The following FRMPD1 variants were observed in gnomAD, a reference collection of about 807,000 sequenced individuals.
FRMPD1 encodes FERM and PDZ domain-containing protein 1.
A neutral mutation model predicts 117.8 loss-of-function variants in FRMPD1; 76 were observed. The ratio of observed to expected loss-of-function variants is 0.65; its 90% CI spans 0.54 to 0.78. FRMPD1 has a LOEUF of 0.78. Ranked by LOEUF, FRMPD1 falls within the 30% of genes least tolerant of loss-of-function variation. The pLI, the probability that FRMPD1 is intolerant of heterozygous loss-of-function variation, is 0.00. For synonymous variants in FRMPD1, 783 were observed against 770.4 expected (o/e 1.02, Z -0.27); for missense variants, 1,786 against 1,964.5 (o/e 0.91, Z 1.72).
chr9:37,685,502 T>G (rs111688231), intron 1 of FRMPD1, among the ~76,000 whole-genome samples: 1 of 150,344 alleles, frequency 6.7e-6, no homozygotes. Context: ...AAAAAAAAAA[T>G]TTAGCCGGGC....
At chr9:37,723,648 A>G (rs949160247) in intron 6 of FRMPD1, among the ~76,000 whole-genome samples, 1 of 152,192 alleles carries the variant, frequency 6.6e-6, no homozygotes, top group Non-Finnish European at 1.5e-5. Flanking sequence ...ACTTGAGGCC[A>G]GGGGTTCGAG....
the FRMPD1 span, among the ~76,000 whole-genome samples, chr9:37,611,241 C>A: frequency 6.6e-6 from 1 of 152,076 alleles, no homozygotes; most frequent in Non-Finnish European, 1.5e-5. Flanking sequence ...TCATCAGCAA[C>A]GTATGTGAGA....
chr9:37,640,189 A>G, the FRMPD1 span, among the ~76,000 whole-genome samples: 1 of 152,230 alleles, frequency 6.6e-6, no homozygotes, highest in Non-Finnish European at 1.5e-5. Flanking sequence ...TGTCTGCATA[A>G]GGGCTCCAAA....
chr9:37,715,683 G>A (rs1022542525), intron 5 of FRMPD1: 7 of 456,146 alleles, frequency 1.5e-5, no homozygotes, highest in African/African-American at 1.0e-4. Flanking sequence ...TGAAGTGGGT[G>A]TAAGTAGGTG....
chr9:37,712,191 C>T (rs541811311), intron 5 of FRMPD1, among the ~76,000 whole-genome samples: 20 of 151,816 alleles, frequency 1.3e-4, no homozygotes, highest in Admixed American at 2.6e-4. Flanking sequence ...TCCCTTTTTC[C>T]GAATATAATA....
At chr9:37,607,675 A>C in the FRMPD1 span, among the ~76,000 whole-genome samples, 1 of 152,212 alleles carries the variant, frequency 6.6e-6, no homozygotes, top group African/African-American at 2.4e-5. Context: ...GAGGATTCTT[A>C]ATAGGTAGTT....
At chr9:37,607,960 A>G in the FRMPD1 span, among the ~76,000 whole-genome samples, 2 of 152,230 alleles carry the variant, frequency 1.3e-5, no homozygotes, top group African/African-American at 4.8e-5. Context: ...GAAGCTTGCT[A>G]TTTCAGGAAG....
At chr9:37,640,207 A>G in the FRMPD1 span, among the ~76,000 whole-genome samples, 37 of 152,232 alleles carry the variant, frequency 2.4e-4, 1 homozygote, top group Admixed American at 2.2e-3. Context: ...AAAGGACATC[A>G]AGGTGGTGCG....
Position 37,745,454 on chromosome 9 carries a change from C to T in FRMPD1, c.3422C>T (p.Ser1141Leu), listed in dbSNP as rs1824655187. The T allele has an allele frequency of 6.2e-7, 1 of 1,613,674 alleles. No homozygotes were observed. Among genetic ancestry groups the T allele is most frequent in the Admixed American group, 1.7e-5 (1 of 59,988 alleles). ...KDSGDSPGDV[S>L]NNVSQTLDIS... ...TCAGGTGACTCCCCGGGTGATGTGTCAAATAATGTTTCACAGACTCTTGAT... is the reference window on the plus strand; with the variant it reads ...TCAGGTGACTCCCCGGGTGATGTGTTAAATAATGTTTCACAGACTCTTGAT... Residue 1141 changes from serine (S) to leucine (L), a missense_variant, in exon 16 of 16, where the codon TCA becomes TTA. Ser to Leu is a moderately radical substitution (Grantham distance 145). Coordinates refer to ENST00000377765, the MANE Select transcript of FRMPD1 (RefSeq NM_014907.3).
the FRMPD1 span, among the ~76,000 whole-genome samples, chr9:37,620,470 G>A: frequency 1.3e-5 from 2 of 151,968 alleles, no homozygotes; most frequent in South Asian, 4.2e-4. Flanking sequence ...CCAGCACCGG[G>A]CATAGAGAAG....
At chr9:37,645,943 C>T in the FRMPD1 span, among the ~76,000 whole-genome samples, 15 of 152,154 alleles carry the variant, frequency 9.9e-5, no homozygotes, top group Non-Finnish European at 2.1e-4. Flanking sequence ...GGTATCATTG[C>T]CTCTTCTTAT....
intron 6 of FRMPD1, among the ~76,000 whole-genome samples, chr9:37,720,635 C>T (rs998007597): frequency 2.6e-5 from 4 of 152,042 alleles, no homozygotes; most frequent in Non-Finnish European, 4.4e-5. Flanking sequence ...CGCCACTGCA[C>T]TCGAGCCTGG....
the FRMPD1 span, among the ~76,000 whole-genome samples, chr9:37,616,119 T>C: frequency 1.3e-5 from 1 of 78,290 alleles, no homozygotes; most frequent in African/African-American, 5.1e-5. Context: ...GCCCAGCCCT[T>C]TTTTTTTTTT....
the FRMPD1 span, among the ~76,000 whole-genome samples, chr9:37,604,569 T>C: frequency 6.6e-6 from 1 of 152,218 alleles, no homozygotes; most frequent in Non-Finnish European, 1.5e-5. Flanking sequence ...CCTCCTTCTG[T>C]GTGGACCAGG....
intron 1 of FRMPD1, among the ~76,000 whole-genome samples, chr9:37,661,432 A>G (rs1440308338): frequency 2.6e-5 from 4 of 152,248 alleles, no homozygotes; most frequent in African/African-American, 9.6e-5. Flanking sequence ...CATGGTAAAT[A>G]TTCAATAAAT....
intron 1 of FRMPD1, among the ~76,000 whole-genome samples, chr9:37,659,370 A>G (rs961974492): frequency 6.6e-6 from 1 of 152,032 alleles, no homozygotes; most frequent in Non-Finnish European, 1.5e-5. Context: ...GGCTGTTCCT[A>G]TCACTCCTGT....
chr9:37,726,420 G>A (rs115911872), intron 7 of FRMPD1, among the ~76,000 whole-genome samples: 6,655 of 152,140 alleles, frequency 0.044, 179 homozygotes, highest in South Asian at 0.08. Context: ...CCCAGGGGCC[G>A]GGTGCAGTGG....
At chr9:37,615,055 C>T in the FRMPD1 span, among the ~76,000 whole-genome samples, 2 of 152,118 alleles carry the variant, frequency 1.3e-5, no homozygotes, top group African/African-American at 4.8e-5. Context: ...GCCCCTTTGC[C>T]AAGACTTGCT....
the FRMPD1 span, among the ~76,000 whole-genome samples, chr9:37,612,664 G>A: frequency 6.6e-6 from 1 of 152,000 alleles, no homozygotes; most frequent in African/African-American, 2.4e-5. Context: ...GATAATTTTT[G>A]TATTTTTAGT....
Sources: allele counts gnomAD v4.1 joint callset (sites outside exome capture counted in the v4.1 genomes callset), GRCh38; gene constraint gnomAD v4.1.1; transcripts MANE v1.5; gene names NCBI Gene and HGNC (gene_info 2026-07-23, HGNC 2026-07-21).